Variants in BPTF observed in about 807,000 individuals in gnomAD.
The protein encoded by BPTF is nucleosome-remodeling factor subunit BPTF.
In BPTF, 18 loss-of-function variants were observed where a neutral mutation model predicts 292.5. The ratio of observed to expected loss-of-function variants is 0.06; its 90% CI spans 0.04 to 0.09. The LOEUF is 0.09. Among genes scored for constraint, BPTF ranks in the 10% least tolerant of loss-of-function variants. The pLI is 1.00. For missense variants in BPTF, 2,726 were observed against 3,498.7 expected, an observed-to-expected ratio of 0.78 and a Z score of 5.57; for synonymous variants, 1,225 against 1,251.9, an observed-to-expected ratio of 0.98 and a Z score of 0.45.
intron 26 of BPTF, among the ~76,000 whole-genome samples, chr17:67,970,076 A>G (rs2068594334): frequency 6.6e-6 from 1 of 152,140 alleles, no homozygotes; most frequent in South Asian, 2.1e-4. Flanking sequence ...TCTACTAAAA[A>G]TACAAAAGTA....
At chr17:67,977,167 T>C (rs1555694425) in intron 27 of BPTF, among the ~76,000 whole-genome samples, 1 of 152,192 alleles carries the variant, frequency 6.6e-6, no homozygotes, top group East Asian at 1.9e-4. Context: ...AATAAATATA[T>C]TTTCAGTCAT....
At chr17:67,944,418 G>A (rs782550362) in intron 20 of BPTF, 46 bp downstream of exon 20, 9 of 1,593,296 alleles carry the variant, frequency 5.6e-6, no homozygotes, top group South Asian at 1.1e-5. Context: ...ACTACTACAC[G>A]TGGCTGGGCT....
At chr17:67,843,720 A>G (rs1288517893) in intron 1 of BPTF, among the ~76,000 whole-genome samples, 2 of 138,626 alleles carry the variant, frequency 1.4e-5, no homozygotes. Flanking sequence ...GTCTTTTGTG[A>G]TAATGAGATT....
At chr17:67,974,524 C>T (rs1275819927) in intron 26 of BPTF, 1 of 152,262 alleles carries the variant, frequency 6.6e-6, no homozygotes, top group Non-Finnish European at 1.5e-5. Flanking sequence ...CCAAGATTAC[C>T]CCCTCTTCAG....
intron 13 of BPTF, among the ~76,000 whole-genome samples, chr17:67,921,637 C>G (rs1197972724): frequency 6.6e-6 from 1 of 152,070 alleles, no homozygotes; most frequent in Non-Finnish European, 1.5e-5. Context: ...ATTTTTGAAA[C>G]TTGATTAAAT....
At chr17:67,944,060 G>A (rs1033103683) in intron 19 of BPTF, 90 bp from the exon 20 acceptor site, 1 of 956,258 alleles carries the variant, frequency 1.0e-6, no homozygotes, top group Non-Finnish European at 1.6e-6. Flanking sequence ...TATATTAAAA[G>A]ATAATTACAC....
chr17:67,924,402 A>G (rs1244221972), intron 14 of BPTF, 145 bp from the exon 15 acceptor site: 1 of 835,746 alleles, frequency 1.2e-6, no homozygotes, highest in Non-Finnish European at 1.8e-6. Context: ...GGCATGAGCC[A>G]CCTCGCACAA....
At chr17:67,964,920 A>G (rs1275049333) in intron 25 of BPTF, 1 of 127,024 alleles carries the variant, frequency 7.9e-6, no homozygotes, top group African/African-American at 3.0e-5. Context: ...AATGGCATGA[A>G]CCCGGGAGGC....
At chr17:67,973,430 A>G (rs2069025283) in intron 26 of BPTF, among the ~76,000 whole-genome samples, 1 of 151,996 alleles carries the variant, frequency 6.6e-6, no homozygotes, top group Non-Finnish European at 1.5e-5. Context: ...ATTTTAATAA[A>G]CCCACAATTA....
At chr17:67,838,945 C>A (rs1397630867) in intron 1 of BPTF, among the ~76,000 whole-genome samples, 1 of 151,964 alleles carries the variant, frequency 6.6e-6, no homozygotes, top group Non-Finnish European at 1.5e-5. Flanking sequence ...AGTATTTAGC[C>A]ACCTATTCTT....
chr17:67,885,580 A>G (rs2060700283), intron 4 of BPTF, among the ~76,000 whole-genome samples: 2 of 152,160 alleles, frequency 1.3e-5, no homozygotes. Context: ...ACAGAGTGAG[A>G]CTCCATCTTA....
rs376307135 is a variant in BPTF at position 67,948,045 on chromosome 17, C to T, written c.7701-36C>T. The T allele has an allele frequency of 3.1e-4, 488 of 1,563,882 alleles. 3 individuals are homozygous for T. In the Admixed American group the frequency reaches 6.2e-3, roughly 20 times the overall value. ...ATGTCTTAAGCCTTTCAAAATGAAACGCCCAGCATTACATAGGTTGTGTAT... is the reference window on the plus strand; with the variant it reads ...ATGTCTTAAGCCTTTCAAAATGAAATGCCCAGCATTACATAGGTTGTGTAT... On this transcript the variant is annotated intron_variant, in intron 22 of 27. Coordinates refer to ENST00000306378, the MANE Select transcript of BPTF (RefSeq NM_182641.4).
intron 1 of BPTF, among the ~76,000 whole-genome samples, chr17:67,840,691 T>C (rs1425217615): frequency 6.6e-6 from 1 of 151,972 alleles, no homozygotes; most frequent in Non-Finnish European, 1.5e-5. Flanking sequence ...GCCTCTGAAG[T>C]AGTTGGGACC....
chr17:67,943,582 C>A (rs2065564108), intron 19 of BPTF, among the ~76,000 whole-genome samples: 1 of 152,126 alleles, frequency 6.6e-6, no homozygotes, highest in African/African-American at 2.4e-5. Context: ...CACACACACA[C>A]CCCATAGGTA....
At chr17:67,886,424 T>C (rs1201305451) in intron 4 of BPTF, 1 of 738,352 alleles carries the variant, frequency 1.4e-6, no homozygotes, top group Non-Finnish European at 2.0e-6. Flanking sequence ...TTTTAGTTTT[T>C]AATTTTTTAA....
intron 3 of BPTF, among the ~76,000 whole-genome samples, chr17:67,871,954 T>A (rs2059768207): frequency 6.6e-6 from 1 of 152,144 alleles, no homozygotes; most frequent in Non-Finnish European, 1.5e-5. Context: ...GCCTCCCAGG[T>A]AGCTGGGATT....
chr17:67,979,169 C>CAAAAAAAAAAAAAAAAAAAAAAA lies in BPTF; in HGVS notation c.8727-3062_8727-3061insAAAAAAAAAAAAAAAAAAAAAAA, dbSNP rs11376410. 2.6e-4 allele frequency among the ~76,000 whole-genome samples: 19 copies of CAAAAAAAAAAAAAAAAAAAAAAA among 72,566 alleles called. 1 individual carries two copies. Among genetic ancestry groups the CAAAAAAAAAAAAAAAAAAAAAAA allele is most frequent in the African/African-American group, 1.5e-3 (19 of 12,502 alleles). 47.6% of individuals were successfully genotyped at this position (72,566 alleles called of 152,430 possible). A position where few individuals can be genotyped will look rare whatever the true frequency, so the allele number is the denominator to read the frequency against. On this transcript the variant is annotated intron_variant, in intron 27 of 27. Transcript: ENST00000306378. ...TGGAAGACACAACAAGACCCTGTCT[C>CAAAAAAAAAAAAAAAAAAAAAAA]AAAAAAAAAAAAAAAAAAAAAGGCC... is the stretch of plus-strand genomic sequence containing the variant.
intron 1 of BPTF, among the ~76,000 whole-genome samples, chr17:67,827,329 G>A (rs544705240): frequency 1.2e-4 from 19 of 152,138 alleles, no homozygotes; most frequent in Non-Finnish European, 2.4e-4. Flanking sequence ...AATCCGTAAT[G>A]AATTTCTCCA....
intron 1 of BPTF, among the ~76,000 whole-genome samples, chr17:67,842,467 A>G (rs2057633106): frequency 6.6e-6 from 1 of 152,096 alleles, no homozygotes; most frequent in Non-Finnish European, 1.5e-5. Flanking sequence ...TTCTAGATCC[A>G]CTTTTCTTCT....
Sources: allele counts gnomAD v4.1 joint callset (sites outside exome capture counted in the v4.1 genomes callset), GRCh38; gene constraint gnomAD v4.1.1; transcripts MANE v1.5; gene names NCBI Gene and HGNC (gene_info 2026-07-23, HGNC 2026-07-21).